SHROOM3: variants seen among roughly 807,000 people sequenced by gnomAD.
SHROOM3 encodes the protein protein Shroom3.
Under a neutral mutation model 138.6 loss-of-function variants are expected in SHROOM3, and 47 were observed. That is an observed-to-expected ratio of 0.34 (90% CI 0.27 to 0.43). The LOEUF is 0.43. Ranked by LOEUF, SHROOM3 falls within the 20% of genes least tolerant of loss-of-function variation. The pLI is 1.00. For synonymous variants in SHROOM3, 1,062 were observed against 1,063.3 expected (o/e 1.00, Z 0.02); for missense variants, 2,491 against 2,596.5 (o/e 0.96, Z 0.88).
intron 1 of SHROOM3, among the ~76,000 whole-genome samples, chr4:76,444,484 C>CTTTTTTTT (rs61655085): frequency 2.0e-4 from 12 of 60,166 alleles, no homozygotes; most frequent in African/African-American, 2.6e-4. Flanking sequence ...CTCTTTCTTT[C>CTTTTTTTT]TTTTTTTTTT....
intron 2 of SHROOM3, among the ~76,000 whole-genome samples, chr4:76,602,704 T>G (rs1295575099): frequency 6.6e-6 from 1 of 152,190 alleles, no homozygotes; most frequent in South Asian, 2.1e-4. Context: ...CTCCAGATAC[T>G]TCAGTGGAAC....
intron 2 of SHROOM3, among the ~76,000 whole-genome samples, chr4:76,694,264 A>C (rs1225742235): frequency 1.3e-5 from 2 of 152,188 alleles, no homozygotes; most frequent in Admixed American, 1.3e-4. Context: ...TGTACCCTCA[A>C]GGGTTCATAG....
At chr4:76,773,078 TA>T (rs911385264) in intron 10 of SHROOM3, among the ~76,000 whole-genome samples, 10 of 151,978 alleles carry the variant, frequency 6.6e-5, no homozygotes. Flanking sequence ...GTTTTGTTTT[TA>T]AAAATAGTGA....
Position 76,671,892 on chromosome 4 carries a change from C to A in SHROOM3, c.324-38264C>A, listed in dbSNP as rs553323804. ...TTATATATTTACCAGCTGAGCATCCCTTATCCAAAAATCCAAAATCCACAG... is the reference window on the plus strand; with the variant it reads ...TTATATATTTACCAGCTGAGCATCCATTATCCAAAAATCCAAAATCCACAG... On this transcript the variant is annotated intron_variant, in intron 2 of 10. Coordinates refer to ENST00000296043, the MANE Select transcript of SHROOM3 (RefSeq NM_020859.4). Among the ~76,000 whole-genome samples the A allele has an allele frequency of 7.2e-5, 11 of 152,194 alleles. No homozygotes were observed. In the East Asian group the frequency reaches 1.4e-3, roughly 19 times the overall value.
intron 2 of SHROOM3, among the ~76,000 whole-genome samples, chr4:76,618,025 C>T (rs186507090): frequency 1.6e-3 from 251 of 152,300 alleles, no homozygotes; most frequent in South Asian, 2.3e-3. Flanking sequence ...TGTGGCTGGG[C>T]GCAGTGGCTC....
chr4:76,760,224 G>A (rs1723456389), intron 9 of SHROOM3, among the ~76,000 whole-genome samples: 1 of 152,206 alleles, frequency 6.6e-6, no homozygotes, highest in Non-Finnish European at 1.5e-5. Flanking sequence ...TAGCTTGAAA[G>A]TGCAGTGCTG....
chr4:76,662,397 C>T (rs761141931), intron 2 of SHROOM3, among the ~76,000 whole-genome samples: 40 of 152,334 alleles, frequency 2.6e-4, no homozygotes, highest in African/African-American at 7.0e-4. Flanking sequence ...GCCTGCAAGA[C>T]GCATTGAATC....
At chr4:76,644,925 A>G (rs1735779728) in intron 2 of SHROOM3, among the ~76,000 whole-genome samples, 1 of 152,170 alleles carries the variant, frequency 6.6e-6, no homozygotes, top group South Asian at 2.1e-4. Context: ...AAAAGCTAGT[A>G]CTTATGTAGT....
At chr4:76,543,398 G>T (rs971260636) in intron 1 of SHROOM3, among the ~76,000 whole-genome samples, 1 of 152,138 alleles carries the variant, frequency 6.6e-6, no homozygotes, top group Non-Finnish European at 1.5e-5. Context: ...CGAGCGTGTG[G>T]CTTACCCAAA....
intron 2 of SHROOM3, chr4:76,586,093 C>A: frequency 4.0e-6 from 1 of 252,164 alleles, no homozygotes; most frequent in Non-Finnish European, 6.3e-6. Flanking sequence ...GGCGTGCCAG[C>A]GCGGTGGAAA....
At chr4:76,720,610 TTTC>T (rs1419373409) in intron 3 of SHROOM3, among the ~76,000 whole-genome samples, 1 of 151,442 alleles carries the variant, frequency 6.6e-6, no homozygotes, top group Non-Finnish European at 1.5e-5. Context: ...CCCTGAATTC[TTTC>T]TTTTTTTTTT....
chr4:76,648,003 G>C (rs184140544), intron 2 of SHROOM3, among the ~76,000 whole-genome samples: 1 of 151,990 alleles, frequency 6.6e-6, no homozygotes, highest in Admixed American at 6.6e-5. Flanking sequence ...ATTTATCCAT[G>C]ATACCATCTG....
intron 2 of SHROOM3, among the ~76,000 whole-genome samples, chr4:76,572,020 G>GC (rs1187627964): frequency 6.6e-6 from 1 of 151,852 alleles, no homozygotes; most frequent in East Asian, 1.9e-4. Flanking sequence ...TCCATACTGC[G>GC]CCCCCCAGCC....
intron 1 of SHROOM3, among the ~76,000 whole-genome samples, chr4:76,498,062 C>T (rs1402652806): frequency 1.3e-5 from 2 of 152,092 alleles, no homozygotes; most frequent in African/African-American, 4.8e-5. Flanking sequence ...CAGCTCTCTC[C>T]TTCTGTGTCA....
chr4:76,731,827 G>A (rs561317019), intron 4 of SHROOM3, among the ~76,000 whole-genome samples: 1 of 151,290 alleles, frequency 6.6e-6, no homozygotes, highest in African/African-American at 2.4e-5. Flanking sequence ...AGCTTGGAAA[G>A]ATTAGTTTGT....
intron 1 of SHROOM3, among the ~76,000 whole-genome samples, chr4:76,488,107 G>C (rs1731770758): frequency 6.6e-6 from 1 of 152,136 alleles, no homozygotes; most frequent in Non-Finnish European, 1.5e-5. Context: ...TGCTATTGGA[G>C]TTATTATTGA....
At chr4:76,722,299 A>G (rs1021677918) in intron 3 of SHROOM3, among the ~76,000 whole-genome samples, 2 of 152,314 alleles carry the variant, frequency 1.3e-5, no homozygotes, top group South Asian at 2.1e-4. Flanking sequence ...AAAATGTGCT[A>G]CCTATACACC....
At chr4:76,652,521 T>G (rs1735982309) in intron 2 of SHROOM3, among the ~76,000 whole-genome samples, 1 of 152,180 alleles carries the variant, frequency 6.6e-6, no homozygotes, top group Non-Finnish European at 1.5e-5. Flanking sequence ...AGGTTACACA[T>G]AGCTGATGGG....
chr4:76,492,264 A>T (rs1447071282), intron 1 of SHROOM3, among the ~76,000 whole-genome samples: 4 of 152,176 alleles, frequency 2.6e-5, no homozygotes, highest in African/African-American at 9.7e-5. Context: ...CCAGGAAGGC[A>T]TGTTTAGCTC....
Sources: allele counts gnomAD v4.1 joint callset (sites outside exome capture counted in the v4.1 genomes callset), GRCh38; gene constraint gnomAD v4.1.1; transcripts MANE v1.5; gene names NCBI Gene and HGNC (gene_info 2026-07-23, HGNC 2026-07-21).